The following SPAG16 variants were observed in gnomAD, a reference collection of about 807,000 sequenced individuals.
The protein encoded by SPAG16 is sperm associated antigen 16.
SPAG16 carries 86 observed loss-of-function variants against 80.4 expected under a neutral mutation model. The ratio of observed to expected loss-of-function variants is 1.07; its 90% CI spans 0.90 to 1.28. SPAG16 has a LOEUF of 1.28. SPAG16 is among the 50% of genes most tolerant of loss of function. The pLI, the probability that SPAG16 is intolerant of heterozygous loss-of-function variation, is 0.00. For missense variants in SPAG16, 870 were observed against 765.3 expected, an observed-to-expected ratio of 1.14 and a Z score of -1.61; for synonymous variants, 294 against 265.9, an observed-to-expected ratio of 1.11 and a Z score of -1.03.
At chr2:213,572,568 A>G (rs532423267) in intron 10 of SPAG16, among the ~76,000 whole-genome samples, 2 of 152,096 alleles carry the variant, frequency 1.3e-5, no homozygotes, top group African/African-American at 4.8e-5. Context: ...GGAGTCAGGG[A>G]CCCACTTGAG....
At chr2:213,504,931 T>G (rs187877754) in intron 10 of SPAG16, among the ~76,000 whole-genome samples, 31 of 152,370 alleles carry the variant, frequency 2.0e-4, no homozygotes, top group Admixed American at 9.8e-4. Flanking sequence ...AAAAAATTCA[T>G]GCCCTTCGGA....
intron 10 of SPAG16, among the ~76,000 whole-genome samples, chr2:213,532,342 A>G (rs1033677399): frequency 6.6e-6 from 1 of 152,090 alleles, no homozygotes; most frequent in African/African-American, 2.4e-5. Context: ...ATTTTTATAT[A>G]CTCTGTGTTA....
intron 15 of SPAG16, among the ~76,000 whole-genome samples, chr2:214,295,197 G>C (rs1694048547): frequency 6.6e-6 from 1 of 152,204 alleles, no homozygotes; most frequent in South Asian, 2.1e-4. Context: ...CAAGTTTGAA[G>C]TCTGGCAACC....
intron 10 of SPAG16, among the ~76,000 whole-genome samples, chr2:213,724,238 A>T (rs868220019): frequency 6.6e-6 from 1 of 152,210 alleles, no homozygotes; most frequent in African/African-American, 2.4e-5. Context: ...TGCAATGACT[A>T]GTCAGAAAGC....
chr2:213,767,252 T>C (rs531459257), intron 10 of SPAG16, among the ~76,000 whole-genome samples: 1 of 152,370 alleles, frequency 6.6e-6, no homozygotes, highest in Admixed American at 6.5e-5. Flanking sequence ...ATTAATTTTC[T>C]ATCATATAAT....
At chr2:213,475,115 C>T (rs183456636) in intron 9 of SPAG16, among the ~76,000 whole-genome samples, 12 of 152,268 alleles carry the variant, frequency 7.9e-5, no homozygotes, top group South Asian at 4.1e-4. Context: ...TGCTTCTCAG[C>T]GGTAGTCAGG....
chr2:214,132,931 A>G (rs1430584859), intron 14 of SPAG16, among the ~76,000 whole-genome samples: 4 of 151,972 alleles, frequency 2.6e-5, no homozygotes, highest in Admixed American at 6.6e-5. Flanking sequence ...CGTCTCTACT[A>G]AAAATACAAA....
At chr2:214,180,617 G>A (rs548209256) in intron 15 of SPAG16, among the ~76,000 whole-genome samples, 3 of 151,446 alleles carry the variant, frequency 2.0e-5, no homozygotes, top group Non-Finnish European at 3.0e-5. Flanking sequence ...GTAGCATTCA[G>A]GAAAGCAATA....
At chr2:213,986,617 G>T (rs529898627) in intron 12 of SPAG16, among the ~76,000 whole-genome samples, 14 of 151,996 alleles carry the variant, frequency 9.2e-5, no homozygotes, top group African/African-American at 3.4e-4. Flanking sequence ...AAAATGATTT[G>T]TTAGAAAACA....
At chr2:214,006,160 T>C (rs569626999) in intron 12 of SPAG16, among the ~76,000 whole-genome samples, 1 of 152,336 alleles carries the variant, frequency 6.6e-6, no homozygotes, top group African/African-American at 2.4e-5. Flanking sequence ...TGCTACTGTC[T>C]TTATATCAAT....
At chr2:213,981,554 A>G (rs534825471) in intron 12 of SPAG16, among the ~76,000 whole-genome samples, 1 of 152,234 alleles carries the variant, frequency 6.6e-6, no homozygotes, top group Non-Finnish European at 1.5e-5. Flanking sequence ...AACGTTTTTA[A>G]AGGAAAACAA....
intron 9 of SPAG16, among the ~76,000 whole-genome samples, chr2:213,470,657 C>G (rs1346537822): frequency 2.0e-5 from 3 of 152,186 alleles, no homozygotes; most frequent in East Asian, 3.8e-4. Context: ...TGTTGCTGAG[C>G]CCATGCATAA....
At chr2:213,855,999 CA>C (rs1439602673) in intron 10 of SPAG16, among the ~76,000 whole-genome samples, 6 of 152,138 alleles carry the variant, frequency 3.9e-5, no homozygotes, top group Non-Finnish European at 7.4e-5. Flanking sequence ...ATCATTAACT[CA>C]AAAGTCCAAG....
At chr2:213,891,236 T>C (rs1439809806) in intron 11 of SPAG16, among the ~76,000 whole-genome samples, 1 of 152,060 alleles carries the variant, frequency 6.6e-6, no homozygotes, top group African/African-American at 2.4e-5. Context: ...GATGGACACT[T>C]TGAATAGAGA....
At chr2:213,855,229 G>C (rs1199151203) in intron 10 of SPAG16, among the ~76,000 whole-genome samples, 1 of 152,172 alleles carries the variant, frequency 6.6e-6, no homozygotes, top group Non-Finnish European at 1.5e-5. Context: ...ATCTGAATAA[G>C]TACCCTAGAC....
intron 14 of SPAG16, among the ~76,000 whole-genome samples, chr2:214,115,445 T>C (rs777462827): frequency 1.3e-5 from 2 of 152,232 alleles, no homozygotes; most frequent in Non-Finnish European, 2.9e-5. Context: ...TGCATTTAGC[T>C]ATTTACATAA....
chr2:214,083,951 T>C (rs1459990428), intron 13 of SPAG16, among the ~76,000 whole-genome samples: 3 of 152,206 alleles, frequency 2.0e-5, no homozygotes, highest in South Asian at 4.1e-4. Context: ...TCCTTCCTCA[T>C]AGCAATTCCT....
In SPAG16 at chr2:213,949,359, G is replaced by A. The variant is rs191491896; in HGVS notation, c.1400+19214G>A. Among the ~76,000 whole-genome samples the A allele has an allele frequency of 4.0e-5, 6 of 151,710 alleles. No homozygotes were observed. In the East Asian group the frequency reaches 1.2e-3, roughly 29 times the overall value. ...AATTTTTGTATTTTTAGTAGAGATG[G>A]CATTTCACCATTGTTGGCCAGATGG... On this transcript the variant is annotated intron_variant, in intron 12 of 15. Transcript: ENST00000331683.
At chr2:214,275,461 T>G (rs1692393709) in intron 15 of SPAG16, among the ~76,000 whole-genome samples, 1 of 152,258 alleles carries the variant, frequency 6.6e-6, no homozygotes, top group Non-Finnish European at 1.5e-5. Context: ...CACACTGCTT[T>G]AAATGTGTCC....
Sources: allele counts gnomAD v4.1 joint callset (sites outside exome capture counted in the v4.1 genomes callset), GRCh38; gene constraint gnomAD v4.1.1; transcripts MANE v1.5; gene names NCBI Gene and HGNC (gene_info 2026-07-23, HGNC 2026-07-21).